Variants in LARGE1 observed in about 807,000 individuals in gnomAD.
LARGE1 encodes the protein xylosyl- and glucuronyltransferase LARGE1.
A neutral mutation model predicts 87.6 loss-of-function variants in LARGE1; 43 were observed. The ratio of observed to expected loss-of-function variants is 0.49; its 90% confidence interval spans 0.38 to 0.63. The LOEUF (loss-of-function observed/expected upper bound fraction) is 0.63. Among genes scored for constraint, LARGE1 ranks in the 30% least tolerant of loss-of-function variants. The probability of loss-of-function intolerance (pLI) is 0.00; values close to 1 mark genes in which losing one functional copy is unlikely to be tolerated. For missense variants in LARGE1, 802 were observed against 1,000.2 expected (o/e 0.80, Z 2.67); for synonymous variants, 434 against 394.6 (o/e 1.10, Z -1.18).
At chr22:33,114,560 C>T in the LARGE1 span, among the ~76,000 whole-genome samples, 2 of 152,348 alleles carry the variant, frequency 1.3e-5, no homozygotes, top group East Asian at 1.9e-4. Context: ...CCTAAAAAAA[C>T]TCATCATCCA....
chr22:33,431,461 T>G (rs887396220), intron 7 of LARGE1, among the ~76,000 whole-genome samples: 1 of 152,174 alleles, frequency 6.6e-6, no homozygotes, highest in Non-Finnish European at 1.5e-5. Flanking sequence ...TCCTCAAAAG[T>G]GCTGATTACC....
At chr22:33,644,882 C>A (rs1265762834) in intron 3 of LARGE1, among the ~76,000 whole-genome samples, 1 of 152,090 alleles carries the variant, frequency 6.6e-6, no homozygotes, top group Non-Finnish European at 1.5e-5. Flanking sequence ...TCAAGAACTA[C>A]AAACCACTGC....
the LARGE1 span, among the ~76,000 whole-genome samples, chr22:33,089,368 T>TCTTCTTCTTCTCCTCCTC: frequency 1.0e-3 from 78 of 78,282 alleles, no homozygotes; most frequent in African/African-American, 3.7e-3. Context: ...TTCTTCTTCT[T>TCTTCTTCTTCTCCTCCTC]CTCCTTCTTC....
intron 11 of LARGE1, among the ~76,000 whole-genome samples, chr22:33,265,867 G>C (rs1346001504): frequency 1.3e-5 from 2 of 152,064 alleles, no homozygotes; most frequent in Non-Finnish European, 2.9e-5. Flanking sequence ...TATCACAAGG[G>C]GGTTCGTTAG....
the LARGE1 span, among the ~76,000 whole-genome samples, chr22:33,080,288 T>C: frequency 8.5e-5 from 13 of 152,216 alleles, no homozygotes; most frequent in Non-Finnish European, 1.8e-4. Flanking sequence ...GGTATATATG[T>C]GTATTTGTCA....
exon 12 of LARGE1, chr22:33,165,068 G>C (rs918125301): frequency 2.0e-5 from 3 of 152,070 alleles, no homozygotes; most frequent in Non-Finnish European, 4.4e-5. Flanking sequence ...CCTGAGTGAC[G>C]GGACCAATCG....
intron 9 of LARGE1, among the ~76,000 whole-genome samples, chr22:33,379,270 T>C (rs925872153): frequency 6.8e-6 from 1 of 146,748 alleles, no homozygotes; most frequent in Non-Finnish European, 1.5e-5. Context: ...TTCTTTTTTT[T>C]TTTTTTATTA....
chr22:33,380,049 T>A (rs1445046270), intron 9 of LARGE1, among the ~76,000 whole-genome samples: 1 of 152,258 alleles, frequency 6.6e-6, no homozygotes, highest in East Asian at 1.9e-4. Flanking sequence ...TGCTCTTTGC[T>A]TATCTTTTTG....
At chr22:33,794,171 C>T (rs2085910102) in intron 1 of LARGE1, among the ~76,000 whole-genome samples, 1 of 152,146 alleles carries the variant, frequency 6.6e-6, no homozygotes, top group Non-Finnish European at 1.5e-5. Context: ...TAGTTGGGCC[C>T]CATGTGTCTG....
chr22:33,397,821 T>A (rs1332367771), intron 7 of LARGE1, among the ~76,000 whole-genome samples: 1 of 152,200 alleles, frequency 6.6e-6, no homozygotes, highest in Non-Finnish European at 1.5e-5. Context: ...AATTTTTGCA[T>A]TTTAGGCATT....
intron 1 of LARGE1, among the ~76,000 whole-genome samples, chr22:33,789,317 C>T (rs907818640): frequency 1.3e-5 from 2 of 152,200 alleles, no homozygotes; most frequent in African/African-American, 4.8e-5. Context: ...ATTTGGGAAC[C>T]CCTGCCTGGA....
intron 11 of LARGE1, among the ~76,000 whole-genome samples, chr22:33,206,181 C>T (rs1048949913): frequency 1.1e-4 from 16 of 152,146 alleles, no homozygotes; most frequent in African/African-American, 3.9e-4. Context: ...CAGTCTTGAT[C>T]TCCTGACCTC....
intron 1 of LARGE1, among the ~76,000 whole-genome samples, chr22:33,906,348 C>T (rs117636421): frequency 0.01 from 1,529 of 152,116 alleles, 14 homozygotes; most frequent in Middle Eastern, 0.027. Context: ...CATGTATTTC[C>T]CAGGGGTATG....
chr22:33,339,043 G>A (rs1190375979), intron 9 of LARGE1, among the ~76,000 whole-genome samples: 1 of 151,934 alleles, frequency 6.6e-6, no homozygotes, highest in Non-Finnish European at 1.5e-5. Flanking sequence ...AGCTACTCAG[G>A]AGGCTGAGGC....
chr22:33,215,971 T>C (rs1925184830), intron 11 of LARGE1, among the ~76,000 whole-genome samples: 2 of 152,146 alleles, frequency 1.3e-5, no homozygotes, highest in African/African-American at 4.8e-5. Context: ...AAAAAAATTA[T>C]TCATCTGTTT....
At chr22:33,749,963 C>G (rs542455113) in intron 2 of LARGE1, among the ~76,000 whole-genome samples, 1 of 152,076 alleles carries the variant, frequency 6.6e-6, no homozygotes, top group Admixed American at 6.5e-5. Context: ...CTTGCTCAAA[C>G]GGTACAACGT....
chr22:33,096,256 T>C, the LARGE1 span, among the ~76,000 whole-genome samples: 1 of 151,736 alleles, frequency 6.6e-6, no homozygotes, highest in Admixed American at 6.6e-5. Context: ...TCTCTACTAA[T>C]AATACAAAAA....
At chr22:33,760,074 T>C (rs978517859) in intron 2 of LARGE1, among the ~76,000 whole-genome samples, 12 of 152,186 alleles carry the variant, frequency 7.9e-5, no homozygotes, top group Middle Eastern at 3.4e-3. Flanking sequence ...AGATCCTAAT[T>C]AAAAGGTAGC....
chr22:33,498,376 A>C (rs533138497), intron 6 of LARGE1, among the ~76,000 whole-genome samples: 2 of 152,318 alleles, frequency 1.3e-5, no homozygotes, highest in African/African-American at 4.8e-5. Context: ...ACAACTTTTT[A>C]GAATGACTTG....
Sources: allele counts gnomAD v4.1 joint callset (sites outside exome capture counted in the v4.1 genomes callset), GRCh38; gene constraint gnomAD v4.1.1; transcripts MANE v1.5; gene names NCBI Gene and HGNC (gene_info 2026-07-23, HGNC 2026-07-21).